TREML4: variants seen among roughly 807,000 people sequenced by gnomAD.
TREML4 encodes the protein triggering receptor expressed on myeloid cells like 4.
TREML4 carries 25 observed loss-of-function variants against 25.4 expected under a neutral mutation model. The ratio of observed to expected loss-of-function variants is 0.98; its 90% CI spans 0.72 to 1.37. The LOEUF is 1.37. TREML4 is among the 40% of genes most tolerant of loss of function. The pLI is 0.00. For synonymous variants in TREML4, 92 were observed against 87.9 expected (o/e 1.05, Z -0.26); for missense variants, 268 against 236.5 (o/e 1.13, Z -0.87).
chr6:41,233,591 C>T lies in TREML4; in HGVS notation c.507-2895C>T, dbSNP rs368430542. On this transcript the variant is annotated intron_variant, in intron 4 of 5. Transcript: ENST00000341495. ...AAACGTATATGTGCTTAAATTTTGG[C>T]CATGAAATATATCAAGCAACACTAT... is the stretch of plus-strand genomic sequence containing the variant. Among the ~76,000 whole-genome samples, 9 of 151,476 alleles carry T rather than the reference C, an allele frequency of 5.9e-5. No individual in the cohort carries two copies. The East Asian group carries it at 1.5e-3, about 26-fold the overall frequency.
chr6:41,228,962 G>T lies in TREML4; in HGVS notation c.312G>T (p.Ser104=). Residue 104 remains serine, a synonymous_variant, in exon 2 of 6, where the codon TCG becomes TCT. Coordinates refer to ENST00000341495, the MANE Select transcript of TREML4 (RefSeq NM_198153.3). Reference sequence around the variant, plus strand: ...TGATTCAGCTGACACAGAATGACTCGGGATTCTACTGGTGTGGAATCTACA... The same window carrying T: ...TGATTCAGCTGACACAGAATGACTCTGGATTCTACTGGTGTGGAATCTACA... The part of the protein sequence containing the change: ...ITMIQLTQND[S]GFYWCGIYNA... The T allele has an allele frequency of 6.2e-7, 1 of 1,614,050 alleles. No individual in the cohort carries two copies. The highest frequency in any genetic ancestry group is 8.5e-7 in the Non-Finnish European group (1 of 1,179,954).
chr6:41,235,401 G>A (rs1417455290), intron 4 of TREML4, among the ~76,000 whole-genome samples: 1 of 152,166 alleles, frequency 6.6e-6, no homozygotes. Flanking sequence ...GTCATGACTT[G>A]CAATTGATGG....
Position 41,236,801 on chromosome 6 carries a change from AG to A in TREML4, c.*35+186del, listed in dbSNP as rs575200617. 6.3e-3 allele frequency among the ~76,000 whole-genome samples: 953 copies of A among 152,272 alleles called. 5 individuals are homozygous for A. The highest frequency in any genetic ancestry group is 0.02 in the African/African-American group (834 of 41,540). Reference sequence around the variant, plus strand: ...AGACACAGACCTTAGAAAGAGACAGAGGCTTTCTGGGAGTCCCATCCCAGGG... The same window carrying A: ...AGACACAGACCTTAGAAAGAGACAGAGCTTTCTGGGAGTCCCATCCCAGGG... On this transcript the variant is annotated intron_variant, in intron 5 of 5. Transcript: ENST00000341495.
intron 4 of TREML4, among the ~76,000 whole-genome samples, chr6:41,234,166 A>T (rs1214903263): frequency 1.3e-5 from 2 of 152,064 alleles, no homozygotes; most frequent in Non-Finnish European, 2.9e-5. Flanking sequence ...ACGCAATGAC[A>T]TTAGGAATGC....
intron 5 of TREML4, 128 bp downstream of exon 5, chr6:41,236,745 G>C (rs1205504149): frequency 1.7e-6 from 1 of 583,276 alleles, no homozygotes; most frequent in African/African-American, 1.9e-5. Context: ...CAATTTAAAA[G>C]TGTGTTTCCT....
chr6:41,230,016 A>C, intron 3 of TREML4, 46 bp from the exon 4 acceptor site: 1 of 1,516,136 alleles, frequency 6.6e-7, no homozygotes, highest in Non-Finnish European at 9.2e-7. Context: ...CCCATTCTCT[A>C]TTCTGGTGCC....
At position 41,231,950 on chromosome 6, in the gene TREML4, AAC is replaced by A. The variant is rs560266259; in HGVS notation, c.506+1838_506+1839del. Among the ~76,000 whole-genome samples, 198 of 152,316 alleles carry A rather than the reference AAC, an allele frequency of 1.3e-3. 1 individual carries two copies. Among genetic ancestry groups the A allele is most frequent in the Non-Finnish European group, 2.3e-3 (155 of 68,014 alleles). ...CATTGCCAAATAGGGGAAAACAGCC[AAC>A]ACACACACAAAAATACCTCTAGACC... On this transcript the variant is annotated intron_variant, in intron 4 of 5. Coordinates refer to ENST00000341495, the MANE Select transcript of TREML4 (RefSeq NM_198153.3).
At chr6:41,236,428 G>A (rs545817795) in intron 4 of TREML4, 58 bp from the exon 5 acceptor site, 177 of 1,476,874 alleles carry the variant, frequency 1.2e-4, no homozygotes, top group African/African-American at 2.9e-4. Context: ...TAGGGACACC[G>A]CAGGAGGTGG....
intron 5 of TREML4, 84 bp downstream of exon 5, chr6:41,236,701 A>G: frequency 1.4e-6 from 1 of 716,548 alleles, no homozygotes; most frequent in Non-Finnish European, 2.4e-6. Context: ...AGAAGCAGCC[A>G]GGTCACAGAG....
rs762513315 is a variant in TREML4 at position 41,229,040 on chromosome 6, T to C, written c.390T>C (p.Ser130=). Residue 130 remains serine (S), a synonymous_variant, in exon 2 of 6, where the codon TCT becomes TCC. Transcript: ENST00000341495. The part of the protein sequence containing the change: ...TVLRNISLVV[S]PAPTTSPMWT... ...TTAGAAATATCAGCCTGGTGGTGTCTCCAGGTGAGCTCTTTTCTTGAGGAA... is the reference window on the plus strand; with the variant it reads ...TTAGAAATATCAGCCTGGTGGTGTCCCCAGGTGAGCTCTTTTCTTGAGGAA... 2 of 1,610,530 alleles carry C rather than the reference T, an allele frequency of 1.2e-6. No individual in the cohort carries two copies. The highest frequency in any genetic ancestry group is 3.3e-5 in the Admixed American group (2 of 59,778).
At chr6:41,236,660 C>T in intron 5 of TREML4, 43 bp downstream of exon 5, 1 of 1,148,370 alleles carries the variant, frequency 8.7e-7, no homozygotes, top group Non-Finnish European at 1.3e-6. Flanking sequence ...GGAGCTGGGG[C>T]CAGATTCTGT....
At chr6:41,229,985 C>T (rs569255346) in intron 3 of TREML4, 77 bp from the exon 4 acceptor site, 9 of 1,287,838 alleles carry the variant, frequency 7.0e-6, no homozygotes, top group Admixed American at 1.7e-5. Flanking sequence ...TCCCCTTCCT[C>T]TCACACTTTT....
intron 3 of TREML4, among the ~76,000 whole-genome samples, 180 bp from the exon 4 acceptor site, chr6:41,229,882 A>T (rs894887866): frequency 1.3e-5 from 2 of 152,072 alleles, no homozygotes; most frequent in African/African-American, 4.8e-5. Flanking sequence ...CATGGAGAGG[A>T]CAGTGCCAGA....
rs1766928296 is a variant in TREML4 at position 41,237,565 on chromosome 6, A to G, written c.*546A>G. The G allele has an allele frequency of 6.6e-6, 1 of 152,208 alleles. No homozygotes were observed. Among genetic ancestry groups the G allele is most frequent in the Admixed American group, 6.5e-5 (1 of 15,276 alleles). 9.4% of individuals were successfully genotyped at this position (152,208 alleles called of 1,614,324 possible). On this transcript the variant is annotated 3_prime_UTR_variant, in exon 6 of 6. Coordinates refer to ENST00000341495, the MANE Select transcript of TREML4 (RefSeq NM_198153.3). ...AACTGAAATGTGTCAGGGGCAGCTGAGCAAGACAGCAGTTGTATCCCCTCA... is the reference window on the plus strand; with the variant it reads ...AACTGAAATGTGTCAGGGGCAGCTGGGCAAGACAGCAGTTGTATCCCCTCA...
At chr6:41,232,692 C>T (rs988361843) in intron 4 of TREML4, among the ~76,000 whole-genome samples, 1 of 152,114 alleles carries the variant, frequency 6.6e-6, no homozygotes, top group East Asian at 1.9e-4. Context: ...TGATGGGAGA[C>T]AGTGGCAGAT....
In TREML4 at chr6:41,237,378, A is replaced by G; in HGVS notation, c.*359A>G. ...CTGCATCCGGGTCAATGCCCAGCTC[A>G]GCATCTTCAGCTGTGCCCAGGCTCC... On this transcript the variant is annotated 3_prime_UTR_variant, in exon 6 of 6. Coordinates refer to ENST00000341495, the MANE Select transcript of TREML4 (RefSeq NM_198153.3). The G allele has an allele frequency of 6.4e-6, 1 of 156,296 alleles. No individual in the cohort carries two copies. The highest frequency in any genetic ancestry group is 1.4e-5 in the Non-Finnish European group (1 of 70,648). The allele number at this position is 156,296 out of a possible 1,614,324, so 9.7% of individuals were successfully genotyped here. A position where few individuals can be genotyped will look rare whatever the true frequency, so the allele number is the denominator to read the frequency against.
chr6:41,236,640 T>C, intron 5 of TREML4, 23 bp downstream of exon 5: 1 of 1,368,184 alleles, frequency 7.3e-7, no homozygotes, highest in Non-Finnish European at 1.0e-6. Flanking sequence ...GGATTTCACC[T>C]GGGGGCAATG....
chr6:41,229,688 C>T (rs1766749155), intron 3 of TREML4, 117 bp downstream of exon 3: 2 of 1,108,924 alleles, frequency 1.8e-6, no homozygotes, highest in Non-Finnish European at 2.7e-6. Flanking sequence ...TCTCTTGGGG[C>T]CTGGGCTTGT....
At chr6:41,230,859 G>T (rs1388219341) in intron 4 of TREML4, among the ~76,000 whole-genome samples, 2 of 152,164 alleles carry the variant, frequency 1.3e-5, no homozygotes, top group African/African-American at 4.8e-5. Flanking sequence ...ATAAAGTAGG[G>T]AGTGAGTGGT....
Sources: gnomAD v4.1 joint callset for allele counts (sites outside exome capture counted in the v4.1 genomes callset) on GRCh38, gnomAD v4.1.1 for gene constraint, MANE v1.5 for transcripts, NCBI Gene and HGNC (gene_info 2026-07-23, HGNC 2026-07-21) for gene names.